The following UGT2B15 variants were observed in gnomAD, a reference collection of about 807,000 sequenced individuals.
UGT2B15 encodes the protein UDP glucuronosyltransferase family 2 member B15, also known as UDP-glucuronosyltransferase 2B15.
UGT2B15 carries 36 observed loss-of-function variants against 45.9 expected under a neutral mutation model. That is an observed-to-expected ratio of 0.78 (90% CI 0.60 to 1.04). The LOEUF is 1.04. Ranked by LOEUF, UGT2B15 falls within the 50% of genes least tolerant of loss-of-function variation. The pLI is 0.00. For missense variants in UGT2B15, 617 were observed against 622.4 expected, an observed-to-expected ratio of 0.99 and a Z score of 0.09; for synonymous variants, 219 against 216.4, an observed-to-expected ratio of 1.01 and a Z score of -0.11.
At chr4:68,657,504 C>T (rs1229512394) in intron 3 of UGT2B15, among the ~76,000 whole-genome samples, 1 of 152,034 alleles carries the variant, frequency 6.6e-6, no homozygotes, top group Non-Finnish European at 1.5e-5. Flanking sequence ...CAGCTCAGTT[C>T]CTCCTTTTAG....
At chr4:68,650,039 G>T (rs2109818804) in intron 5 of UGT2B15, among the ~76,000 whole-genome samples, 1 of 151,998 alleles carries the variant, frequency 6.6e-6, no homozygotes. Flanking sequence ...CACTATGTTG[G>T]CCAGGAGTAT....
chr4:68,661,237 C>T (rs1732956745), intron 3 of UGT2B15, among the ~76,000 whole-genome samples: 1 of 151,966 alleles, frequency 6.6e-6, no homozygotes, highest in African/African-American at 2.4e-5. Context: ...TTCAAAGTCA[C>T]CCCTCTGCTC....
At chr4:68,666,733 C>CATATATAT (rs975003043) in intron 2 of UGT2B15, among the ~76,000 whole-genome samples, 2 of 136,368 alleles carry the variant, frequency 1.5e-5, no homozygotes, top group African/African-American at 5.4e-5. Context: ...TATCAAATTA[C>CATATATAT]ATATATATAT....
intron 4 of UGT2B15, 125 bp downstream of exon 4, chr4:68,654,970 G>A: frequency 1.6e-6 from 2 of 1,225,170 alleles, no homozygotes; most frequent in Non-Finnish European, 2.3e-6. Context: ...ATATAAAGTA[G>A]TTAAATTTGA....
chr4:68,657,543 G>C (rs1732843303), intron 3 of UGT2B15, among the ~76,000 whole-genome samples: 1 of 152,180 alleles, frequency 6.6e-6, no homozygotes, highest in East Asian at 1.9e-4. Flanking sequence ...AATAATCTAA[G>C]AATGATGAGA....
chr4:68,654,635 G>A (rs1377866), intron 4 of UGT2B15, among the ~76,000 whole-genome samples: 7,481 of 151,792 alleles, frequency 0.049, 448 homozygotes, highest in East Asian at 0.26. Context: ...AGGAAGGACC[G>A]GTTATGCATC....
intron 4 of UGT2B15, among the ~76,000 whole-genome samples, chr4:68,654,496 C>T (rs1052701764): frequency 4.0e-5 from 6 of 151,300 alleles, no homozygotes; most frequent in Admixed American, 6.6e-5. Flanking sequence ...TATACAAGAA[C>T]GTGGTCTTTT....
chr4:68,661,772 T>A (rs1732975123), intron 3 of UGT2B15, among the ~76,000 whole-genome samples: 1 of 152,128 alleles, frequency 6.6e-6, no homozygotes. Context: ...CTATTATCAG[T>A]ATTGCTACTT....
intron 4 of UGT2B15, 97 bp downstream of exon 4, chr4:68,654,998 C>T: frequency 2.8e-6 from 4 of 1,417,466 alleles, no homozygotes; most frequent in East Asian, 2.3e-5. Flanking sequence ...TTTAGTTTTC[C>T]AATAATAAAT....
intron 5 of UGT2B15, among the ~76,000 whole-genome samples, chr4:68,653,494 G>A (rs532184670): frequency 5.3e-4 from 80 of 152,074 alleles, no homozygotes; most frequent in African/African-American, 1.8e-3. Context: ...TTTATTGGGA[G>A]TGACTTCATA....
At chr4:68,648,319 T>G (rs899045804) in intron 5 of UGT2B15, among the ~76,000 whole-genome samples, 3 of 152,132 alleles carry the variant, frequency 2.0e-5, no homozygotes, top group Non-Finnish European at 4.4e-5. Flanking sequence ...CCTTCGGTTT[T>G]TCTCTAAACT....
At chr4:68,665,965 T>C (rs1219757595) in intron 2 of UGT2B15, among the ~76,000 whole-genome samples, 1 of 152,144 alleles carries the variant, frequency 6.6e-6, no homozygotes, top group Non-Finnish European at 1.5e-5. Context: ...GAGAATCAGA[T>C]CGCTTGAACC....
chr4:68,666,282 C>G (rs1267389276), intron 2 of UGT2B15, among the ~76,000 whole-genome samples: 2 of 152,126 alleles, frequency 1.3e-5, no homozygotes, highest in Admixed American at 6.6e-5. Flanking sequence ...CACAGAGTAT[C>G]TGTTCTCTAG....
At position 68,648,616 on chromosome 4, in the gene UGT2B15, T is replaced by C. The variant is rs1732554651; in HGVS notation, c.1314-1233A>G. 3.3e-5 allele frequency among the ~76,000 whole-genome samples: 5 copies of C among 152,096 alleles called. No homozygotes were observed. The South Asian group carries it at 1.0e-3, about 31-fold the overall frequency. ...GAAATACATAGGATAAATGTATATA[T>C]ACTATGTGACTACCTCAAAATTTTA... On this transcript the variant is annotated intron_variant, in intron 5 of 5. Coordinates refer to ENST00000338206, the MANE Select transcript of UGT2B15 (RefSeq NM_001076.4).
At chr4:68,661,417 G>C (rs1196707560) in intron 3 of UGT2B15, among the ~76,000 whole-genome samples, 2 of 152,038 alleles carry the variant, frequency 1.3e-5, no homozygotes, top group East Asian at 1.9e-4. Flanking sequence ...AAATATTTAA[G>C]AATTGTTAAG....
At position 68,659,711 on chromosome 4, in the gene UGT2B15, T is replaced by C. The variant is rs1457317352; in HGVS notation, c.1005+3297A>G. On this transcript the variant is annotated intron_variant, in intron 3 of 5. Transcript: ENST00000338206. The stretch of plus-strand genomic sequence containing the variant: ...TGGTCCTCTTTAGAAGGCGATTTTA[T>C]ACTCAGCCATAAAATTCTAACAGGT... Among the ~76,000 whole-genome samples, 5 of 151,984 alleles carry C rather than the reference T, an allele frequency of 3.3e-5. No homozygotes were observed. In the South Asian group the frequency reaches 6.2e-4, roughly 19 times the overall value.
At chr4:68,669,325 T>C (rs1382199749) in intron 1 of UGT2B15, among the ~76,000 whole-genome samples, 1 of 152,134 alleles carries the variant, frequency 6.6e-6, no homozygotes, top group Non-Finnish European at 1.5e-5. Context: ...AAAGAAATAA[T>C]TGTCAACCTG....
At chr4:68,668,584 G>C (rs1244866397) in intron 1 of UGT2B15, among the ~76,000 whole-genome samples, 1 of 150,858 alleles carries the variant, frequency 6.6e-6, no homozygotes, top group Non-Finnish European at 1.5e-5. Flanking sequence ...CCCAGTGGCA[G>C]GTGATTGGAT....
intron 3 of UGT2B15, among the ~76,000 whole-genome samples, chr4:68,655,788 C>T (rs996963941): frequency 1.3e-5 from 2 of 152,084 alleles, no homozygotes; most frequent in African/African-American, 4.8e-5. Context: ...CCCCCACCAC[C>T]TTGGACACAT....
Sources: gnomAD v4.1 joint callset for allele counts (sites outside exome capture counted in the v4.1 genomes callset) on GRCh38, gnomAD v4.1.1 for gene constraint, MANE v1.5 for transcripts, NCBI Gene and HGNC (gene_info 2026-07-23, HGNC 2026-07-21) for gene names.